TENM4: variants seen among roughly 807,000 people sequenced by gnomAD.
TENM4 encodes teneurin-4.
A neutral mutation model predicts 243.3 loss-of-function variants in TENM4; 82 were observed. The ratio of observed to expected loss-of-function variants is 0.34; its 90% CI spans 0.28 to 0.40. TENM4 has a LOEUF of 0.40. Among genes scored for constraint, TENM4 ranks in the 10% least tolerant of loss-of-function variants. The pLI is 1.00. For missense variants in TENM4, 3,138 were observed against 3,673.3 expected (o/e 0.85, Z 3.77); for synonymous variants, 1,412 against 1,456.3 (o/e 0.97, Z 0.69).
intron 19 of TENM4, among the ~76,000 whole-genome samples, chr11:78,751,433 T>C (rs1218037071): frequency 6.6e-6 from 1 of 152,120 alleles, no homozygotes; most frequent in African/African-American, 2.4e-5. Context: ...CAATAACCTA[T>C]TAGAATTAGA....
chr11:79,002,468 C>G (rs569132901), intron 6 of TENM4, among the ~76,000 whole-genome samples: 1 of 152,338 alleles, frequency 6.6e-6, no homozygotes, highest in East Asian at 1.9e-4. Flanking sequence ...GGTTCCTAAC[C>G]TCTAGAACAA....
intron 3 of TENM4, among the ~76,000 whole-genome samples, chr11:79,177,837 C>A (rs565411491): frequency 3.3e-5 from 5 of 152,128 alleles, no homozygotes; most frequent in Non-Finnish European, 7.4e-5. Flanking sequence ...AGCACAGCAT[C>A]AGGGTGGGCC....
At chr11:79,224,676 G>A (rs1186770408) in intron 2 of TENM4, among the ~76,000 whole-genome samples, 3 of 152,170 alleles carry the variant, frequency 2.0e-5, no homozygotes, top group Non-Finnish European at 4.4e-5. Flanking sequence ...ACTTGGCCAG[G>A]TGGATGGCTC....
chr11:79,141,580 C>G (rs928936797), intron 4 of TENM4, among the ~76,000 whole-genome samples: 1 of 151,990 alleles, frequency 6.6e-6, no homozygotes, highest in Non-Finnish European at 1.5e-5. Context: ...GAACTAATAC[C>G]AATCCTACTC....
At chr11:78,942,470 A>T (rs1437208439) in intron 6 of TENM4, among the ~76,000 whole-genome samples, 3 of 151,430 alleles carry the variant, frequency 2.0e-5, no homozygotes, top group Non-Finnish European at 4.4e-5. Context: ...AATTGCAAAT[A>T]AGGTCTCATA....
At chr11:79,170,177 C>T (rs1591330362) in intron 3 of TENM4, among the ~76,000 whole-genome samples, 1 of 152,016 alleles carries the variant, frequency 6.6e-6, no homozygotes, top group South Asian at 2.1e-4. Context: ...ACACCAGAGG[C>T]AAAATATAGC....
chr11:78,926,099 T>A (rs1486043835), intron 6 of TENM4, among the ~76,000 whole-genome samples: 1 of 152,108 alleles, frequency 6.6e-6, no homozygotes, highest in Non-Finnish European at 1.5e-5. Flanking sequence ...GGAATCTTCT[T>A]CTATTGCACA....
chr11:79,152,038 C>T (rs1446410499), intron 3 of TENM4, among the ~76,000 whole-genome samples: 3 of 152,040 alleles, frequency 2.0e-5, no homozygotes, highest in Non-Finnish European at 4.4e-5. Flanking sequence ...ATGCAAGCAC[C>T]AAGCAGTGTA....
At chr11:78,854,547 T>C (rs1490427511) in intron 11 of TENM4, among the ~76,000 whole-genome samples, 2 of 150,692 alleles carry the variant, frequency 1.3e-5, no homozygotes, top group African/African-American at 4.9e-5. Flanking sequence ...TAGAGGATTA[T>C]TTTTTAGTCT....
intron 3 of TENM4, among the ~76,000 whole-genome samples, chr11:79,166,372 A>G (rs1342867102): frequency 6.6e-6 from 1 of 152,188 alleles, no homozygotes; most frequent in Non-Finnish European, 1.5e-5. Flanking sequence ...AAATTCAGCC[A>G]TCATTTCCCA....
intron 3 of TENM4, among the ~76,000 whole-genome samples, chr11:79,213,305 T>C (rs970788354): frequency 2.0e-5 from 3 of 152,208 alleles, no homozygotes; most frequent in South Asian, 2.1e-4. Flanking sequence ...GTGCCTGCCA[T>C]GTGCCAGGCA....
At chr11:79,118,193 G>C (rs1312460381) in intron 4 of TENM4, among the ~76,000 whole-genome samples, 2 of 152,158 alleles carry the variant, frequency 1.3e-5, no homozygotes, top group Non-Finnish European at 2.9e-5. Context: ...GTGGCAGTCA[G>C]ACATCATTCT....
At chr11:78,945,556 G>T (rs938419869) in intron 6 of TENM4, among the ~76,000 whole-genome samples, 22 of 152,176 alleles carry the variant, frequency 1.4e-4, no homozygotes, top group African/African-American at 5.3e-4. Context: ...AGAAAGAGTT[G>T]TGTGCCTCTC....
rs979126147 is a variant in TENM4, at chr11:78,653,933, G to A, written c.*4125C>T. The A allele has an allele frequency of 6.6e-6, 1 of 152,244 alleles. No individual in the cohort carries two copies. Among genetic ancestry groups the A allele is most frequent in the Admixed American group, 6.5e-5 (1 of 15,286 alleles). The allele number at this position is 152,244 out of a possible 1,614,324, so 9.4% of individuals were successfully genotyped here. On this transcript the variant is annotated 3_prime_UTR_variant, in exon 34 of 34. Transcript: ENST00000278550. ...ATGGTTTTTGTGAATGTGAAGGTTG[G>A]AGAGGATAAGGTTTCTCTCTATCAC...
chr11:79,270,075 A>G (rs1855943476), intron 2 of TENM4, among the ~76,000 whole-genome samples: 1 of 151,322 alleles, frequency 6.6e-6, no homozygotes, highest in Non-Finnish European at 1.5e-5. Flanking sequence ...TGATTGCTGG[A>G]TTTGTCCCCA....
intron 9 of TENM4, among the ~76,000 whole-genome samples, chr11:78,880,249 A>G (rs1781810296): frequency 6.6e-6 from 1 of 152,178 alleles, no homozygotes; most frequent in Admixed American, 6.5e-5. Flanking sequence ...CAGATGCTTG[A>G]AGGCAGCATG....
intron 4 of TENM4, among the ~76,000 whole-genome samples, chr11:79,074,405 A>C (rs1860486245): frequency 6.6e-6 from 1 of 152,148 alleles, no homozygotes; most frequent in Non-Finnish European, 1.5e-5. Flanking sequence ...TGCAACCCCC[A>C]GCCACAGGTT....
At chr11:79,429,355 T>C (rs944707335) in intron 1 of TENM4, among the ~76,000 whole-genome samples, 5 of 152,016 alleles carry the variant, frequency 3.3e-5, no homozygotes, top group African/African-American at 1.2e-4. Context: ...AATAAACACC[T>C]GCACTCGCCA....
chr11:78,855,510 T>C (rs1323984221), intron 11 of TENM4, among the ~76,000 whole-genome samples: 2 of 152,220 alleles, frequency 1.3e-5, no homozygotes, highest in Admixed American at 1.3e-4. Flanking sequence ...CTAGCTGCCT[T>C]ATAAATGTTA....
Sources: gnomAD v4.1 joint callset for allele counts (sites outside exome capture counted in the v4.1 genomes callset) on GRCh38, gnomAD v4.1.1 for gene constraint, MANE v1.5 for transcripts, NCBI Gene and HGNC (gene_info 2026-07-23, HGNC 2026-07-21) for gene names.